COA7: variants seen among roughly 807,000 people sequenced by gnomAD.
COA7 encodes the protein cytochrome c oxidase assembly factor 7, also known as Sel1 repeat containing 1.
COA7 carries 12 observed loss-of-function variants against 21.0 expected under a neutral mutation model. The observed-to-expected ratio is 0.57, with a 90% CI of 0.37 to 0.92. The LOEUF (loss-of-function observed/expected upper bound fraction) is 0.92, where lower values mean the gene tolerates loss of function less well. COA7 is among the 40% of genes least tolerant of loss of function. The pLI is 0.01. For synonymous variants in COA7, 95 were observed against 107.4 expected (o/e 0.88, Z 0.72); for missense variants, 240 against 286.1 (o/e 0.84, Z 1.16).
At position 52,687,539 on chromosome 1, in the gene COA7, A is replaced by T; in HGVS notation, c.*181T>A. The T allele has an allele frequency of 1.6e-6, 1 of 620,044 alleles. No individual in the cohort carries two copies. 38.4% of individuals were successfully genotyped at this position (620,044 alleles called of 1,614,324 possible). A position where few individuals can be genotyped will look rare whatever the true frequency, so the allele number is the denominator to read the frequency against. ...ACCCAGATAAAGGAATATTGACTGAAATAAACATTGTAGGCTATACTCCAG... is the reference window on the plus strand; with the variant it reads ...ACCCAGATAAAGGAATATTGACTGATATAAACATTGTAGGCTATACTCCAG... On this transcript the variant is annotated 3_prime_UTR_variant, in exon 3 of 3. Transcript: ENST00000371538.
intron 1 of COA7, among the ~76,000 whole-genome samples, chr1:52,696,919 G>A (rs1235536534): frequency 6.6e-6 from 1 of 152,104 alleles, no homozygotes; most frequent in Admixed American, 6.5e-5. Flanking sequence ...AGACCAGCCT[G>A]GCCAACATGG....
intron 1 of COA7, among the ~76,000 whole-genome samples, chr1:52,693,907 A>G (rs958342911): frequency 1.3e-5 from 2 of 152,224 alleles, no homozygotes; most frequent in Admixed American, 1.3e-4. Flanking sequence ...CTGAGAATAT[A>G]CTCATTTGCC....
chr1:52,688,260 T>C, intron 2 of COA7, 92 bp from the exon 3 acceptor site: 1 of 957,090 alleles, frequency 1.0e-6, no homozygotes, highest in Non-Finnish European at 1.5e-6. Flanking sequence ...TTTTTTTTTT[T>C]GGAGAAAGGG....
chr1:52,693,448 A>G (rs966849493), intron 1 of COA7, among the ~76,000 whole-genome samples: 1 of 151,850 alleles, frequency 6.6e-6, no homozygotes, highest in Non-Finnish European at 1.5e-5. Flanking sequence ...GTGGAAAAAT[A>G]TAAAAAAATT....
At chr1:52,691,285 G>A (rs973675669) in intron 2 of COA7, among the ~76,000 whole-genome samples, 7 of 151,836 alleles carry the variant, frequency 4.6e-5, no homozygotes, top group African/African-American at 1.7e-4. Context: ...ATGGGGGCAC[G>A]TGCCTATAGT....
intron 1 of COA7, 151 bp from the exon 2 acceptor site, chr1:52,693,018 AC>A: frequency 1.3e-6 from 1 of 755,118 alleles, no homozygotes; most frequent in African/African-American, 1.7e-5. Context: ...TGGCCTTACC[AC>A]AAAGAATGTA....
chr1:52,696,209 T>C (rs1240056755), intron 1 of COA7, among the ~76,000 whole-genome samples: 4 of 151,950 alleles, frequency 2.6e-5, no homozygotes, highest in Non-Finnish European at 5.9e-5. Context: ...GTTTCACTCT[T>C]GTTGCCCAGG....
intron 1 of COA7, among the ~76,000 whole-genome samples, chr1:52,693,715 G>A (rs751687223): frequency 2.6e-5 from 4 of 152,046 alleles, no homozygotes; most frequent in South Asian, 4.1e-4. Flanking sequence ...GAGTAGAGGC[G>A]GCAGCTTCTA....
intron 1 of COA7, 121 bp from the exon 2 acceptor site, chr1:52,692,988 C>G: frequency 9.9e-7 from 1 of 1,012,104 alleles, no homozygotes; most frequent in Non-Finnish European, 1.5e-6. Flanking sequence ...CAGCCCCTGT[C>G]CTCCTGATGT....
At chr1:52,695,820 T>TA (rs1334933100) in intron 1 of COA7, among the ~76,000 whole-genome samples, 1 of 152,142 alleles carries the variant, frequency 6.6e-6, no homozygotes, top group African/African-American at 2.4e-5. Context: ...TCAGGTCTCG[T>TA]AAAGTGCTGC....
chr1:52,692,950 G>A, intron 1 of COA7, 83 bp from the exon 2 acceptor site: 2 of 1,470,528 alleles, frequency 1.4e-6, no homozygotes, highest in Non-Finnish European at 1.9e-6. Context: ...GTGCCCAGGT[G>A]TGGCAGGCCA....
At chr1:52,697,911 G>C (rs1043574467) in intron 1 of COA7, 3 of 330,242 alleles carry the variant, frequency 9.1e-6, no homozygotes, top group African/African-American at 6.5e-5. Context: ...TGAATTACCT[G>C]AGGCTTATTG....
Position 52,687,860 on chromosome 1 carries a change from C to T in COA7, c.556G>A (p.Ala186Thr). The part of the protein sequence containing the change: ...MKACDLGHIW[A>T]CANASRMYKL... ...TACATGCGACTGGCATTGGCACAGGCCCAGATATGACCCAGGTCACAGGCT... is the reference window on the plus strand; with the variant it reads ...TACATGCGACTGGCATTGGCACAGGTCCAGATATGACCCAGGTCACAGGCT... The change falls in exon 3 of 3, where the codon GCC (alanine) becomes ACC (threonine). Residue 186 changes from alanine (A) to threonine (T), a missense_variant. Ala to Thr is a moderately conservative substitution (Grantham distance 58, BLOSUM62 0). This residue lies in a region of COA7 where 163 missense variants were observed against 214.1 expected (regional missense o/e 0.76). Coordinates refer to ENST00000371538, the MANE Select transcript of COA7 (RefSeq NM_023077.3). 1 of 1,614,250 alleles carries T rather than the reference C, an allele frequency of 6.2e-7. No individual in the cohort carries two copies. Among genetic ancestry groups the T allele is most frequent in the South Asian group, 1.1e-5 (1 of 91,090 alleles).
intron 2 of COA7, among the ~76,000 whole-genome samples, chr1:52,692,306 G>A (rs1381634005): frequency 6.6e-6 from 1 of 152,166 alleles, no homozygotes; most frequent in Non-Finnish European, 1.5e-5. Context: ...TAAACACTAT[G>A]CCAGTGATAA....
chr1:52,687,628 A>T lies in COA7; in HGVS notation c.*92T>A. 2 of 1,298,804 alleles carry T rather than the reference A, an allele frequency of 1.5e-6. No homozygotes were observed. Among genetic ancestry groups the T allele is most frequent in the Admixed American group, 2.6e-5 (1 of 38,986 alleles). The allele number at this position is 1,298,804 out of a possible 1,614,324, so 80.5% of individuals were successfully genotyped here. Reference sequence around the variant, plus strand: ...TTCAAGTCCCAAGTTTTTTTGCTCCAGCAGGTTGACCTTCAAGGGCTGCAT... The same window carrying T: ...TTCAAGTCCCAAGTTTTTTTGCTCCTGCAGGTTGACCTTCAAGGGCTGCAT... On this transcript the variant is annotated 3_prime_UTR_variant, in exon 3 of 3. Coordinates refer to ENST00000371538, the MANE Select transcript of COA7 (RefSeq NM_023077.3).
rs1270499897 is a variant in COA7 at position 52,685,405 on chromosome 1, A to G, written c.*2315T>C. On this transcript the variant is annotated 3_prime_UTR_variant, in exon 3 of 3. Coordinates refer to ENST00000371538, the MANE Select transcript of COA7 (RefSeq NM_023077.3). Reference sequence around the variant, plus strand: ...TCATATGCTTATTTGCCACCTGTCTATCTTCTTTGCTGAGATATGTTAAGG... The same window carrying G: ...TCATATGCTTATTTGCCACCTGTCTGTCTTCTTTGCTGAGATATGTTAAGG... 6.6e-6 allele frequency: 1 copy of G among 152,322 alleles called. No individual in the cohort carries two copies. Among genetic ancestry groups the G allele is most frequent in the African/African-American group, 2.4e-5 (1 of 41,576 alleles). 9.4% of individuals were successfully genotyped at this position (152,322 alleles called of 1,614,324 possible). A position where few individuals can be genotyped will look rare whatever the true frequency, so the allele number is the denominator to read the frequency against.
rs951849993 is a variant in COA7 at position 52,688,140 on chromosome 1, G to A, written c.276C>T (p.Ala92=). ...KGGLTQDLKA[A]ARCFLMACEK... Reference sequence around the variant, plus strand: ...CACACGCCATCAAAAAGCACCTGGCGGCAGCTTTCAGGTCCTGGGTCAGAC... The same window carrying A: ...CACACGCCATCAAAAAGCACCTGGCAGCAGCTTTCAGGTCCTGGGTCAGAC... The change falls in exon 3 of 3, where the codon GCC becomes GCT. Residue 92 remains alanine, a synonymous_variant. Coordinates refer to ENST00000371538, the MANE Select transcript of COA7 (RefSeq NM_023077.3). 20 of 1,612,454 alleles carry A rather than the reference G, an allele frequency of 1.2e-5. No individual in the cohort carries two copies. The highest frequency in any genetic ancestry group is 6.7e-5 in the East Asian group (3 of 44,888).
At chr1:52,688,224 T>A in intron 2 of COA7, 56 bp from the exon 3 acceptor site, 1 of 1,417,542 alleles carries the variant, frequency 7.1e-7, no homozygotes, top group Non-Finnish European at 9.5e-7. Flanking sequence ...AACCTAAATG[T>A]CTCAGGCCAA....
chr1:52,692,315 A>T (rs1644053062), intron 2 of COA7, among the ~76,000 whole-genome samples: 1 of 152,230 alleles, frequency 6.6e-6, no homozygotes. Flanking sequence ...TGCCAGTGAT[A>T]ACTACAATTA....
Sources: gnomAD v4.1 joint callset for allele counts (sites outside exome capture counted in the v4.1 genomes callset) on GRCh38, gnomAD v4.1.1 for gene constraint, gnomAD v4.1.1 regional missense constraint, MANE v1.5 for transcripts, NCBI Gene and HGNC (gene_info 2026-07-23, HGNC 2026-07-21) for gene names.